RUVBL1: variants seen among roughly 807,000 people sequenced by gnomAD.
RUVBL1 encodes the protein RuvB like AAA ATPase 1.
In RUVBL1, 4 loss-of-function variants were observed where a neutral mutation model predicts 52.4. That is an observed-to-expected ratio of 0.08 (90% confidence interval 0.04 to 0.17). RUVBL1 has a LOEUF of 0.17. Ranked by LOEUF, RUVBL1 falls within the 10% of genes least tolerant of loss-of-function variation. The probability of loss-of-function intolerance (pLI) is 1.00; values close to 1 mark genes in which losing one functional copy is unlikely to be tolerated. For missense variants in RUVBL1, 298 were observed against 572.8 expected (o/e 0.52, Z 4.90); for synonymous variants, 217 against 214.4 (o/e 1.01, Z -0.10).
intron 9 of RUVBL1, chr3:128,066,898 G>A: frequency 1.3e-6 from 2 of 1,572,442 alleles, no homozygotes; most frequent in Non-Finnish European, 1.7e-6. Flanking sequence ...CTGTGTTTCT[G>A]TGCAGCAGGC....
chr3:128,120,040 T>C (rs1943608015), intron 1 of RUVBL1, among the ~76,000 whole-genome samples: 1 of 152,218 alleles, frequency 6.6e-6, no homozygotes, highest in African/African-American at 2.4e-5. Flanking sequence ...TAAAAGATGG[T>C]GCTAGCTACT....
chr3:128,090,942 G>A (rs1421087576), intron 8 of RUVBL1, among the ~76,000 whole-genome samples: 1 of 152,088 alleles, frequency 6.6e-6, no homozygotes, highest in Non-Finnish European at 1.5e-5. Flanking sequence ...AAAGGTTAGA[G>A]AAAAATAAAG....
chr3:128,097,191 A>T, intron 8 of RUVBL1, 109 bp downstream of exon 8: 3 of 1,078,928 alleles, frequency 2.8e-6, no homozygotes, highest in Non-Finnish European at 4.1e-6. Context: ...AAACAACATG[A>T]CCTCCCCTCA....
chr3:128,140,904 T>C (rs954000324), intron 1 of RUVBL1, among the ~76,000 whole-genome samples: 3 of 152,246 alleles, frequency 2.0e-5, no homozygotes, highest in Non-Finnish European at 4.4e-5. Flanking sequence ...ATGATGTTCA[T>C]GCAATGACAA....
chr3:128,129,956 T>G (rs115691913), intron 1 of RUVBL1, among the ~76,000 whole-genome samples: 13 of 152,126 alleles, frequency 8.5e-5, no homozygotes, highest in African/African-American at 2.9e-4. Context: ...TGCACAACAA[T>G]GTGAATGTAC....
chr3:128,141,491 T>TTTCTC (rs2107734704), intron 1 of RUVBL1, among the ~76,000 whole-genome samples: 1 of 152,202 alleles, frequency 6.6e-6, no homozygotes, highest in East Asian at 1.9e-4. Flanking sequence ...CTTTTTTTCT[T>TTTCTC]TTCTTTTCTT....
intron 9 of RUVBL1, among the ~76,000 whole-genome samples, chr3:128,074,842 C>CAAAAAAAAA (rs386397876): frequency 8.9e-4 from 65 of 72,752 alleles, no homozygotes; most frequent in Non-Finnish European, 1.2e-3. Flanking sequence ...AACTCCGTCT[C>CAAAAAAAAA]AAAAAAAAAA....
At chr3:128,070,271 C>A (rs1374981636) in intron 9 of RUVBL1, 1 of 152,410 alleles carries the variant, frequency 6.6e-6, no homozygotes, top group Non-Finnish European at 1.5e-5. Context: ...CCAGAAGACA[C>A]TCCTGGCCAT....
intron 1 of RUVBL1, among the ~76,000 whole-genome samples, chr3:128,133,215 G>C (rs139755336): frequency 6.6e-6 from 1 of 152,130 alleles, no homozygotes; most frequent in Non-Finnish European, 1.5e-5. Flanking sequence ...GCACCAGCTC[G>C]GCTACAGTAG....
intron 2 of RUVBL1, 141 bp downstream of exon 2, chr3:128,119,187 T>C (rs1176180813): frequency 1.9e-6 from 1 of 537,490 alleles, no homozygotes; most frequent in Admixed American, 3.6e-5. Flanking sequence ...GATACCCAAT[T>C]GTATTATTGC....
intron 1 of RUVBL1, among the ~76,000 whole-genome samples, chr3:128,146,508 G>A (rs1944105958): frequency 6.6e-6 from 1 of 151,496 alleles, no homozygotes; most frequent in Non-Finnish European, 1.5e-5. Context: ...GAGCACGTGT[G>A]TGTGCGTGCA....
intron 3 of RUVBL1, among the ~76,000 whole-genome samples, chr3:128,105,401 G>A (rs1943208680): frequency 2.0e-5 from 3 of 151,884 alleles, no homozygotes; most frequent in South Asian, 2.1e-4. Flanking sequence ...TTATAGGTGT[G>A]AGCCACCACA....
intron 7 of RUVBL1, among the ~76,000 whole-genome samples, chr3:128,098,367 G>A (rs991619911): frequency 1.3e-5 from 2 of 152,206 alleles, no homozygotes; most frequent in South Asian, 4.1e-4. Context: ...TTGCTTTAAT[G>A]TTTAACTAAC....
In RUVBL1 at chr3:128,087,802, A is replaced by G. The variant is rs772966421; in HGVS notation, c.1023T>C (p.Thr341=). 6.2e-7 allele frequency: 1 copy of G among 1,602,536 alleles called. No homozygotes were observed. Among genetic ancestry groups the G allele is most frequent in the Admixed American group, 1.7e-5 (1 of 59,648 alleles). The change falls in exon 9 of 11, where the codon ACT becomes ACC. Residue 341 remains threonine, a synonymous_variant. Coordinates refer to ENST00000322623, the MANE Select transcript of RUVBL1 (RefSeq NM_003707.3). ...SNRGNCVIRG[T]EDITSPHGIP... ...TGCCGTGAGGGGATGTGATGTCCTC[A>G]GTGCCTCTGTAAGGGGCAAAATTAA...
chr3:128,088,192 G>T (rs1942710349), intron 8 of RUVBL1, among the ~76,000 whole-genome samples: 2 of 151,700 alleles, frequency 1.3e-5, no homozygotes, highest in African/African-American at 2.4e-5. Context: ...AACTCGTGAG[G>T]CAGATGTTGC....
Position 128,082,211 on chromosome 3 carries a change from C to CA in RUVBL1, c.1211+271dup. Reference sequence around the variant, plus strand: ...CTCTAGTTCTGTGCATCTTCTCTGCCACAAGAAGGCCCAGGGTCAAAGCAC... The same window carrying CA: ...CTCTAGTTCTGTGCATCTTCTCTGCCAACAAGAAGGCCCAGGGTCAAAGCAC... On this transcript the variant is annotated intron_variant, in intron 10 of 10. Transcript: ENST00000322623. The surrounding 1 kb of genome is among the most constrained non-coding windows in gnomAD (Gnocchi z 4.7). 2.4e-6 allele frequency: 1 copy of CA among 416,388 alleles called. No individual in the cohort carries two copies. Among genetic ancestry groups the CA allele is most frequent in the East Asian group, 5.0e-5 (1 of 19,990 alleles). The allele number at this position is 416,388 out of a possible 1,614,324, so 25.8% of individuals were successfully genotyped here.
chr3:128,140,802 T>G lies in RUVBL1; in HGVS notation c.-40+12401A>C, dbSNP rs1198348299. On this transcript the variant is annotated intron_variant, in intron 1 of 9. Coordinates refer to the RUVBL1 transcript ENST00000464873. Reference sequence around the variant, plus strand: ...AGGGGAAATAATTGATATTCAATATTCAGTAAAGATGTTGGGACATTTAGT... The same window carrying G: ...AGGGGAAATAATTGATATTCAATATGCAGTAAAGATGTTGGGACATTTAGT... Among the ~76,000 whole-genome samples, 5 of 152,216 alleles carry G rather than the reference T, an allele frequency of 3.3e-5. No homozygotes were observed. The East Asian group carries it at 9.6e-4, about 29-fold the overall frequency.
intron 1 of RUVBL1, among the ~76,000 whole-genome samples, chr3:128,151,193 C>T (rs1270439413): frequency 7.7e-6 from 1 of 129,288 alleles, no homozygotes; most frequent in African/African-American, 2.9e-5. Context: ...TCTATATATA[C>T]TCTATATATT....
chr3:128,082,756 C>T lies in RUVBL1; in HGVS notation c.1120-182G>A, dbSNP rs1942518127. Reference sequence around the variant, plus strand: ...TGCCGGCCCGGCACCCTCCAGGAGGCATGTGCGGCCCTGCAGTATGCATGA... The same window carrying T: ...TGCCGGCCCGGCACCCTCCAGGAGGTATGTGCGGCCCTGCAGTATGCATGA... On this transcript the variant is annotated intron_variant, in intron 9 of 10. Transcript: ENST00000322623. This position sits in a 1 kb window ranked among gnomAD's most constrained non-coding sequence, Gnocchi z 4.7. 1.8e-6 allele frequency: 1 copy of T among 557,720 alleles called. No homozygotes were observed. Among genetic ancestry groups the T allele is most frequent in the South Asian group, 2.0e-5 (1 of 49,758 alleles). The allele number at this position is 557,720 out of a possible 1,614,324, so 34.5% of individuals were successfully genotyped here.
Sources: allele counts gnomAD v4.1 joint callset (sites outside exome capture counted in the v4.1 genomes callset), GRCh38; gene constraint gnomAD v4.1.1; non-coding constraint Gnocchi (gnomAD v3.1); transcripts MANE v1.5; gene names NCBI Gene and HGNC (gene_info 2026-07-23, HGNC 2026-07-21).